Variants in TMEM207 observed in about 807,000 individuals in gnomAD.
TMEM207 encodes SRSR846.
In TMEM207, 15 loss-of-function variants were observed where a neutral mutation model predicts 17.4. The observed-to-expected ratio is 0.86, with a 90% confidence interval of 0.58 to 1.33. TMEM207 has a LOEUF of 1.33. Among genes scored for constraint, TMEM207 ranks in the 40% most tolerant of loss-of-function variants. The pLI is 0.00. For synonymous variants in TMEM207, 70 were observed against 65.6 expected, an observed-to-expected ratio of 1.07 and a Z score of -0.33; for missense variants, 205 against 173.8, an observed-to-expected ratio of 1.18 and a Z score of -1.01.
chr3:190,444,405 A>G (rs1299210381), intron 2 of TMEM207: 1 of 985,056 alleles, frequency 1.0e-6, no homozygotes, highest in Non-Finnish European at 1.2e-6. Flanking sequence ...TGCGACTGGG[A>G]CAGTAATAGC....
intron 4 of TMEM207, among the ~76,000 whole-genome samples, chr3:190,430,260 T>C (rs1275804995): frequency 6.6e-6 from 1 of 152,008 alleles, no homozygotes; most frequent in Non-Finnish European, 1.5e-5. Context: ...GAATATATTC[T>C]AAAATTTAAA....
At chr3:190,438,127 A>G (rs1326924627) in intron 4 of TMEM207, among the ~76,000 whole-genome samples, 3 of 150,472 alleles carry the variant, frequency 2.0e-5, no homozygotes, top group Non-Finnish European at 1.5e-5. Flanking sequence ...GGATAGCATT[A>G]GGAGATATAC....
At chr3:190,439,377 C>A (rs1560107358) in intron 4 of TMEM207, among the ~76,000 whole-genome samples, 1 of 152,104 alleles carries the variant, frequency 6.6e-6, no homozygotes, top group Non-Finnish European at 1.5e-5. Context: ...CCAGGGCACA[C>A]CCTGCTCCAT....
intron 2 of TMEM207, chr3:190,444,397 C>T (rs891720268): frequency 1.1e-5 from 11 of 984,582 alleles, no homozygotes; most frequent in East Asian, 1.1e-4. Flanking sequence ...TGTCGTGGTG[C>T]GACTGGGACA....
chr3:190,443,971 G>A (rs1331804237), intron 2 of TMEM207, among the ~76,000 whole-genome samples: 2 of 152,148 alleles, frequency 1.3e-5, no homozygotes, highest in Admixed American at 6.5e-5. Flanking sequence ...ATTTCCTTTT[G>A]TTACTTTGAT....
intron 3 of TMEM207, 33 bp downstream of exon 3, chr3:190,441,405 C>A (rs999421910): frequency 6.4e-7 from 1 of 1,551,162 alleles, no homozygotes; most frequent in Non-Finnish European, 8.9e-7. Context: ...ATACCACCAA[C>A]TGTCATATAA....
Position 190,429,597 on chromosome 3 carries a change from A to T in TMEM207, c.439T>A (p.Ter147ArgextTer2). 1 of 1,613,340 alleles carries T rather than the reference A, an allele frequency of 6.2e-7. No homozygotes were observed. The highest frequency in any genetic ancestry group is 1.1e-5 in the South Asian group (1 of 91,018). ...PPYEEIVKTT[*>R] ...AAATTGATAATCCACACCTAAAATC[A>T]GGTTGTTTTTACAATTTCTTCATAT... Residue 147 changes from the stop codon to arginine, a stop_lost, in exon 5 of 5, where the codon TGA (stop) becomes AGA (arginine). Coordinates refer to ENST00000354905, the MANE Select transcript of TMEM207 (RefSeq NM_207316.3).
At chr3:190,444,185 C>T (rs931213038) in intron 2 of TMEM207, among the ~76,000 whole-genome samples, 6 of 152,264 alleles carry the variant, frequency 3.9e-5, no homozygotes, top group Admixed American at 2.6e-4. Context: ...AAACCAGATG[C>T]GTAACTTCAT....
At chr3:190,449,150 C>T (rs1241072654) in intron 1 of TMEM207, among the ~76,000 whole-genome samples, 1 of 152,086 alleles carries the variant, frequency 6.6e-6, no homozygotes, top group Non-Finnish European at 1.5e-5. Context: ...CACCTCACTG[C>T]CAACACATTA....
intron 4 of TMEM207, among the ~76,000 whole-genome samples, chr3:190,434,268 C>G (rs1482468669): frequency 6.6e-6 from 1 of 152,166 alleles, no homozygotes. Context: ...TTGACCTGTA[C>G]TCCCATAATT....
Position 190,429,334 on chromosome 3 carries a change from C to CT in TMEM207, c.*260dup. On this transcript the variant is annotated 3_prime_UTR_variant, in exon 5 of 5. Coordinates refer to ENST00000354905, the MANE Select transcript of TMEM207 (RefSeq NM_207316.3). ...CACCTAATTGTTGCCTGTTTGGATA[C>CT]TAGTGGAGAAGCATTAATTTGGTTG... 2.5e-6 allele frequency: 1 copy of CT among 399,766 alleles called. No homozygotes were observed. The highest frequency in any genetic ancestry group is 4.5e-6 in the Non-Finnish European group (1 of 220,538). The allele number at this position is 399,766 out of a possible 1,614,324, so 24.8% of individuals were successfully genotyped here.
At chr3:190,438,826 C>G (rs770035029) in intron 4 of TMEM207, among the ~76,000 whole-genome samples, 1 of 152,074 alleles carries the variant, frequency 6.6e-6, no homozygotes, top group Non-Finnish European at 1.5e-5. Context: ...CCCTCTATGC[C>G]CTGTGGAAGG....
intron 1 of TMEM207, among the ~76,000 whole-genome samples, chr3:190,449,359 A>G (rs1371799965): frequency 6.6e-6 from 1 of 152,224 alleles, no homozygotes; most frequent in Non-Finnish European, 1.5e-5. Context: ...AAAACTGTCA[A>G]GCATCAAGTA....
chr3:190,448,734 TG>T (rs1015153137), intron 1 of TMEM207, among the ~76,000 whole-genome samples: 16 of 152,124 alleles, frequency 1.1e-4, no homozygotes, highest in Non-Finnish European at 1.9e-4. Context: ...GTGATAGACT[TG>T]GGAGTTCTGT....
At position 190,441,483 on chromosome 3, in the gene TMEM207, C is replaced by T. The variant is rs1297685758; in HGVS notation, c.114-1G>A. The T allele has an allele frequency of 6.2e-7, 1 of 1,610,980 alleles. No homozygotes were observed. On this transcript the variant is annotated splice_acceptor_variant, in intron 2 of 4. Coordinates refer to ENST00000354905, the MANE Select transcript of TMEM207 (RefSeq NM_207316.3). LOFTEE classifies it high-confidence loss of function. The stretch of plus-strand genomic sequence containing the variant: ...GTGTTGGTCATTATAATTTACACAC[C>T]TGGTGATAAAGGGAGAGCGTTAGTC...
intron 4 of TMEM207, among the ~76,000 whole-genome samples, chr3:190,432,247 T>G (rs1040793800): frequency 3.3e-5 from 5 of 152,248 alleles, no homozygotes; most frequent in Non-Finnish European, 5.9e-5. Context: ...TTCTACATGT[T>G]CTTTCTACCT....
chr3:190,439,280 T>C (rs570503159), intron 4 of TMEM207, among the ~76,000 whole-genome samples: 2 of 147,514 alleles, frequency 1.4e-5, no homozygotes, highest in South Asian at 4.3e-4. Context: ...TGGAGGTCAA[T>C]ATAATCATTA....
chr3:190,448,025 G>A (rs968722211), intron 1 of TMEM207, among the ~76,000 whole-genome samples, 198 bp from the exon 2 acceptor site: 1 of 152,110 alleles, frequency 6.6e-6, no homozygotes, highest in Non-Finnish European at 1.5e-5. Flanking sequence ...CTCAGCAGTG[G>A]CAGAAGATAT....
At chr3:190,429,913 GGA>G (rs201825548) in intron 4 of TMEM207, among the ~76,000 whole-genome samples, 182 bp from the exon 5 acceptor site, 8,357 of 144,054 alleles carry the variant, frequency 0.058, 348 homozygotes, top group African/African-American at 0.12. Context: ...ACCACAGGGG[GGA>G]AAAAAAAAAT....
Sources: allele counts gnomAD v4.1 joint callset (sites outside exome capture counted in the v4.1 genomes callset), GRCh38; gene constraint gnomAD v4.1.1; transcripts MANE v1.5; gene names NCBI Gene and HGNC (gene_info 2026-07-23, HGNC 2026-07-21).